Variants in CLVS2 observed in about 807,000 individuals in gnomAD.
CLVS2 encodes clavesin 2.
In CLVS2, 19 loss-of-function variants were observed where a neutral mutation model predicts 29.0. The observed-to-expected ratio is 0.66, with a 90% CI of 0.46 to 0.96. CLVS2 has a LOEUF of 0.96. CLVS2 is among the 40% of genes least tolerant of loss of function. The pLI is 0.00. For missense variants in CLVS2, 294 were observed against 404.1 expected (o/e 0.73, Z 2.34); for synonymous variants, 161 against 151.3 (o/e 1.06, Z -0.47).
intron 2 of CLVS2, among the ~76,000 whole-genome samples, chr6:123,003,209 C>G (rs1166254003): frequency 2.5e-4 from 38 of 152,206 alleles, no homozygotes; most frequent in Admixed American, 2.5e-3. Flanking sequence ...AGGACGTTGA[C>G]TAAGGCTGGC....
intron 4 of CLVS2, 31 bp from the exon 5 acceptor site, chr6:123,055,775 T>C (rs751549576): frequency 6.7e-7 from 1 of 1,500,762 alleles, no homozygotes; most frequent in Non-Finnish European, 9.3e-7. Context: ...CTCTGTGTCT[T>C]TCCCTTCCTC....
chr6:123,010,603 T>A (rs1288937697), intron 2 of CLVS2, among the ~76,000 whole-genome samples: 1 of 152,046 alleles, frequency 6.6e-6, no homozygotes, highest in East Asian at 1.9e-4. Context: ...TCAAATCTCA[T>A]TCTCAGTTTT....
Position 122,997,724 on chromosome 6 carries a change from C to G in CLVS2, c.-54C>G, listed in dbSNP as rs1394514776. 6.3e-7 allele frequency: 1 copy of G among 1,579,810 alleles called. No homozygotes were observed. Among genetic ancestry groups the G allele is most frequent in the East Asian group, 2.2e-5 (1 of 44,676 alleles). On this transcript the variant is annotated 5_prime_UTR_variant, in exon 2 of 6. Transcript: ENST00000275162. The stretch of plus-strand genomic sequence containing the variant: ...CTGGTGGTGGCAAGGACCAGGTTTG[C>G]TTTGGGACAGTCAACAAGGTCTTCT...
intron 3 of CLVS2, among the ~76,000 whole-genome samples, chr6:123,035,264 G>C (rs1327045827): frequency 6.6e-6 from 1 of 151,318 alleles, no homozygotes; most frequent in Non-Finnish European, 1.5e-5. Flanking sequence ...TTTCATGTGA[G>C]GATTTTTTTA....
In CLVS2 at chr6:123,071,665, A is replaced by C. The variant is rs552137301; in HGVS notation, c.*7904A>C. The C allele has an allele frequency of 1.1e-4, 17 of 152,180 alleles. No individual in the cohort carries two copies. Among genetic ancestry groups the C allele is most frequent in the Non-Finnish European group, 2.2e-4 (15 of 67,930 alleles). The allele number at this position is 152,180 out of a possible 1,614,324, so 9.4% of individuals were successfully genotyped here. A position where few individuals can be genotyped will look rare whatever the true frequency, so the allele number is the denominator to read the frequency against. On this transcript the variant is annotated 3_prime_UTR_variant, in exon 6 of 6. Transcript: ENST00000275162. ...GTAGTTACTTTTAATGGAAAGGGGA[A>C]GAAGAGGAAGAAAAAGGAAAGACAT... is the stretch of plus-strand genomic sequence containing the variant.
chr6:123,054,696 G>A (rs768944522), intron 4 of CLVS2, among the ~76,000 whole-genome samples: 9 of 152,234 alleles, frequency 5.9e-5, no homozygotes, highest in South Asian at 4.1e-4. Context: ...TTATATAAAT[G>A]TAGATGAGAC....
chr6:123,046,144 C>T (rs1772506169), intron 3 of CLVS2, among the ~76,000 whole-genome samples: 1 of 152,094 alleles, frequency 6.6e-6, no homozygotes. Context: ...GACACTAAGC[C>T]AGAATTTTAA....
chr6:123,039,334 C>T (rs2114343646), intron 3 of CLVS2, among the ~76,000 whole-genome samples: 1 of 152,302 alleles, frequency 6.6e-6, no homozygotes, highest in East Asian at 1.9e-4. Flanking sequence ...CAAATTGGAG[C>T]TACAAGCCTC....
intron 3 of CLVS2, among the ~76,000 whole-genome samples, chr6:123,043,466 C>G (rs922259101): frequency 9.2e-5 from 14 of 151,852 alleles, no homozygotes; most frequent in Non-Finnish European, 2.1e-4. Flanking sequence ...ACTATATGCC[C>G]TTTGCTATGG....
At chr6:123,062,451 C>T (rs1427197523) in intron 5 of CLVS2, among the ~76,000 whole-genome samples, 2 of 151,830 alleles carry the variant, frequency 1.3e-5, no homozygotes, top group Non-Finnish European at 2.9e-5. Flanking sequence ...TCTATTCTGT[C>T]TTACGCTCAC....
intron 3 of CLVS2, among the ~76,000 whole-genome samples, chr6:123,040,702 A>C (rs1024367470): frequency 6.6e-6 from 1 of 151,694 alleles, no homozygotes; most frequent in Non-Finnish European, 1.5e-5. Flanking sequence ...CGGGAGGCTG[A>C]AGTTGCAGTG....
At chr6:123,009,699 G>A (rs865887001) in intron 2 of CLVS2, among the ~76,000 whole-genome samples, 3 of 151,804 alleles carry the variant, frequency 2.0e-5, no homozygotes, top group Non-Finnish European at 2.9e-5. Flanking sequence ...GAGTGTGTCC[G>A]GGGAAAAAAC....
At chr6:123,058,983 AT>A (rs1215668916) in intron 5 of CLVS2, among the ~76,000 whole-genome samples, 1 of 152,004 alleles carries the variant, frequency 6.6e-6, no homozygotes, top group Non-Finnish European at 1.5e-5. Flanking sequence ...AATGACTGCT[AT>A]TTATACAATG....
At chr6:123,051,892 T>A (rs145164626) in intron 4 of CLVS2, among the ~76,000 whole-genome samples, 7 of 152,136 alleles carry the variant, frequency 4.6e-5, no homozygotes, top group African/African-American at 1.7e-4. Context: ...ATAAATGATG[T>A]TATTACACAG....
rs184160073 is a variant in CLVS2 at position 123,058,230 on chromosome 6, T to A, written c.896+2204T>A. ...TCAACGTTAGGTAGTCTATATATAG[T>A]GGAGCAGAGGGCTCCACTGCATGAG... On this transcript the variant is annotated intron_variant, in intron 5 of 5. Transcript: ENST00000275162. Among the ~76,000 whole-genome samples the A allele has an allele frequency of 8.5e-5, 13 of 152,232 alleles. No homozygotes were observed. The East Asian group carries it at 2.3e-3, about 27-fold the overall frequency.
intron 3 of CLVS2, among the ~76,000 whole-genome samples, chr6:123,044,066 C>A (rs1210129202): frequency 6.6e-6 from 1 of 152,160 alleles, no homozygotes; most frequent in Non-Finnish European, 1.5e-5. Context: ...GCATTAGGCA[C>A]AAAGTGCTTT....
In CLVS2 at chr6:123,064,183, CT is replaced by C. The variant is rs113431990; in HGVS notation, c.*423del. On this transcript the variant is annotated 3_prime_UTR_variant, in exon 6 of 6. Transcript: ENST00000275162. Reference sequence around the variant, plus strand: ...ATAGTGATTGTTTCATTGTTTTTCTCTGAAACTCTGTCAGTATTCAAACATA... The same window carrying C: ...ATAGTGATTGTTTCATTGTTTTTCTCGAAACTCTGTCAGTATTCAAACATA... 2,255 of 153,962 alleles carry C rather than the reference CT, an allele frequency of 0.015. 55 individuals are homozygous for C. Among genetic ancestry groups the C allele is most frequent in the African/African-American group, 0.051 (2,125 of 41,564 alleles). 9.5% of individuals were successfully genotyped at this position (153,962 alleles called of 1,614,324 possible).
chr6:123,031,913 G>A (rs914501804), intron 3 of CLVS2, among the ~76,000 whole-genome samples: 2 of 151,946 alleles, frequency 1.3e-5, no homozygotes, highest in African/African-American at 4.8e-5. Flanking sequence ...AGATTAAATA[G>A]AAGAGATTAT....
intron 3 of CLVS2, among the ~76,000 whole-genome samples, chr6:123,032,153 C>T (rs1775092076): frequency 6.6e-6 from 1 of 152,034 alleles, no homozygotes; most frequent in South Asian, 2.1e-4. Flanking sequence ...GTTTAATTCA[C>T]GTACATTTTC....
Sources: allele counts gnomAD v4.1 joint callset (sites outside exome capture counted in the v4.1 genomes callset), GRCh38; gene constraint gnomAD v4.1.1; transcripts MANE v1.5; gene names NCBI Gene and HGNC (gene_info 2026-07-23, HGNC 2026-07-21).